KIRREL3: variants seen among roughly 807,000 people sequenced by gnomAD.
KIRREL3 encodes the protein kirre like nephrin family adhesion molecule 3.
Under a neutral mutation model 89.7 loss-of-function variants are expected in KIRREL3, and 36 were observed. That is an observed-to-expected ratio of 0.40 (90% CI 0.31 to 0.53). KIRREL3 has a LOEUF of 0.53. KIRREL3 is among the 20% of genes least tolerant of loss of function. The pLI is 0.49. For missense variants in KIRREL3, 864 were observed against 1,056.6 expected, an observed-to-expected ratio of 0.82 and a Z score of 2.53; for synonymous variants, 445 against 441.4, an observed-to-expected ratio of 1.01 and a Z score of -0.10.
chr11:126,621,448 T>A (rs1310335035), intron 1 of KIRREL3, among the ~76,000 whole-genome samples: 1 of 152,184 alleles, frequency 6.6e-6, no homozygotes, highest in Admixed American at 6.5e-5. Context: ...CTCAAAGGCT[T>A]GAGAATCTGC....
rs781149192 is a variant in KIRREL3, at chr11:126,620,721, A to G, written c.56-57809T>C. ...TTGCTGCCTTCTTCAATGCTTTTAT[A>G]GGTCTCTTGATCTCTTCTTCCTGCC... On this transcript the variant is annotated intron_variant, in intron 1 of 16. Transcript: ENST00000525144. This position sits in a 1 kb window ranked among gnomAD's most constrained non-coding sequence, Gnocchi z 4.8. Among the ~76,000 whole-genome samples, 1 of 152,182 alleles carries G rather than the reference A, an allele frequency of 6.6e-6. No individual in the cohort carries two copies. The highest frequency in any genetic ancestry group is 1.5e-5 in the Non-Finnish European group (1 of 68,040).
intron 1 of KIRREL3, among the ~76,000 whole-genome samples, chr11:126,803,318 T>C (rs528545413): frequency 1.7e-3 from 262 of 152,098 alleles, no homozygotes; most frequent in Non-Finnish European, 3.1e-3. Context: ...AGGCACAGAA[T>C]TGGAGAAGTG....
At position 126,578,870 on chromosome 11, in the gene KIRREL3, T is replaced by G. The variant is rs1350364065; in HGVS notation, c.56-15958A>C. Among the ~76,000 whole-genome samples the G allele has an allele frequency of 6.6e-6, 1 of 152,156 alleles. No homozygotes were observed. Among genetic ancestry groups the G allele is most frequent in the Non-Finnish European group, 1.5e-5 (1 of 68,030 alleles). On this transcript the variant is annotated intron_variant, in intron 1 of 16. Transcript: ENST00000525144. This position sits in a 1 kb window ranked among gnomAD's most constrained non-coding sequence, Gnocchi z 4.9. ...AATAAGCCATCACGTATTGACCATC[T>G]GTCAGCAAGTATCTACCCTGCAAAA...
intron 1 of KIRREL3, among the ~76,000 whole-genome samples, chr11:126,979,878 A>T (rs2135243029): frequency 6.6e-6 from 1 of 152,316 alleles, no homozygotes; most frequent in South Asian, 2.1e-4. Flanking sequence ...TTTCCCATTC[A>T]TTCATTTGCT....
chr11:126,718,048 A>T lies in KIRREL3; in HGVS notation c.56-155136T>A, dbSNP rs555416381. 8.7e-4 allele frequency among the ~76,000 whole-genome samples: 133 copies of T among 152,310 alleles called. 3 individuals carry two copies. In the South Asian group the frequency reaches 0.025, roughly 28 times the overall value. ...TTAAAATATCCCTTGCCTCATGACAAGAGCTTTGTCTTTCTGGGTAAGAGA... is the reference window on the plus strand; with the variant it reads ...TTAAAATATCCCTTGCCTCATGACATGAGCTTTGTCTTTCTGGGTAAGAGA... On this transcript the variant is annotated intron_variant, in intron 1 of 16. Coordinates refer to ENST00000525144, the MANE Select transcript of KIRREL3 (RefSeq NM_032531.4).
chr11:126,983,787 T>G lies in KIRREL3; in HGVS notation c.55+16668A>C, dbSNP rs1048558098. On this transcript the variant is annotated intron_variant, in intron 1 of 16. Transcript: ENST00000525144. The surrounding 1 kb of genome is among the most constrained non-coding windows in gnomAD (Gnocchi z 4.9). ...GCTAAGATAGTACATTTGTGTTGTT[T>G]TAAGCCACTACGTCTGTGGTAACAT... 3.9e-5 allele frequency among the ~76,000 whole-genome samples: 6 copies of G among 152,314 alleles called. No homozygotes were observed. The highest frequency in any genetic ancestry group is 1.2e-4 in the African/African-American group (5 of 41,582).
At position 126,642,578 on chromosome 11, in the gene KIRREL3, A is replaced by G. The variant is rs1474693447; in HGVS notation, c.56-79666T>C. Among the ~76,000 whole-genome samples, 1 of 152,238 alleles carries G rather than the reference A, an allele frequency of 6.6e-6. No individual in the cohort carries two copies. The highest frequency in any genetic ancestry group is 1.5e-5 in the Non-Finnish European group (1 of 68,046). On this transcript the variant is annotated intron_variant, in intron 1 of 16. Transcript: ENST00000525144. This position sits in a 1 kb window ranked among gnomAD's most constrained non-coding sequence, Gnocchi z 4.9. ...AATACATGTTTGATTTTCTTGGGTG[A>G]CCACCATCTCCAAGAGAACCTCTTA...
chr11:126,442,224 G>T (rs1368288675), intron 10 of KIRREL3, among the ~76,000 whole-genome samples: 1 of 138,688 alleles, frequency 7.2e-6, no homozygotes, highest in East Asian at 2.1e-4. Flanking sequence ...TTGCGCCACT[G>T]CACTCCAGCC....
At position 126,526,534 on chromosome 11, in the gene KIRREL3, T is replaced by C. The variant is rs780545905; in HGVS notation, c.283+4A>G. On this transcript the variant is annotated splice_donor_region_variant and intron_variant, in intron 3 of 16. Coordinates refer to ENST00000525144, the MANE Select transcript of KIRREL3 (RefSeq NM_032531.4). The surrounding 1 kb of genome is among the most constrained non-coding windows in gnomAD (Gnocchi z 5.7). ...CCCACCCCAGGAGGTCTGGAGGTAC[T>C]CACTTGAGAGGTCCCTGCCCACACC... 2 of 1,610,760 alleles carry C rather than the reference T, an allele frequency of 1.2e-6. No individual in the cohort carries two copies. Among genetic ancestry groups the C allele is most frequent in the Admixed American group, 3.3e-5 (2 of 59,864 alleles).
At chr11:126,884,783 G>C (rs750654874) in intron 1 of KIRREL3, among the ~76,000 whole-genome samples, 2 of 152,110 alleles carry the variant, frequency 1.3e-5, no homozygotes, top group Non-Finnish European at 2.9e-5. Context: ...GTCATCTCTC[G>C]GTGGAGGCTA....
Position 126,896,437 on chromosome 11 carries a change from C to T in KIRREL3, c.55+104018G>A, listed in dbSNP as rs543120830. 6.6e-6 allele frequency among the ~76,000 whole-genome samples: 1 copy of T among 152,192 alleles called. No individual in the cohort carries two copies. Among genetic ancestry groups the T allele is most frequent in the African/African-American group, 2.4e-5 (1 of 41,438 alleles). On this transcript the variant is annotated intron_variant, in intron 1 of 16. Coordinates refer to ENST00000525144, the MANE Select transcript of KIRREL3 (RefSeq NM_032531.4). This position sits in a 1 kb window ranked among gnomAD's most constrained non-coding sequence, Gnocchi z 4.1. The stretch of plus-strand genomic sequence containing the variant: ...GCTCTCCTGTATGCCTGTTGAGATG[C>T]CCATGCCCTTTCCAGAGCTACAGAC...
Position 126,954,564 on chromosome 11 carries a change from C to T in KIRREL3, c.55+45891G>A, listed in dbSNP as rs544858131. On this transcript the variant is annotated intron_variant, in intron 1 of 16. Coordinates refer to ENST00000525144, the MANE Select transcript of KIRREL3 (RefSeq NM_032531.4). The surrounding 1 kb of genome is among the most constrained non-coding windows in gnomAD (Gnocchi z 4.1). ...ATCCAAGCTGGGTAGAACAGATGGC[C>T]CAGAAAGCGCAAACCCACCTTGTCT... is the stretch of plus-strand genomic sequence containing the variant. Among the ~76,000 whole-genome samples, 1 of 152,050 alleles carries T rather than the reference C, an allele frequency of 6.6e-6. No individual in the cohort carries two copies. The highest frequency in any genetic ancestry group is 1.5e-5 in the Non-Finnish European group (1 of 68,010).
intron 1 of KIRREL3, among the ~76,000 whole-genome samples, chr11:126,865,546 G>A (rs1944890958): frequency 6.6e-6 from 1 of 152,234 alleles, no homozygotes; most frequent in Non-Finnish European, 1.5e-5. Context: ...GGGAGCTCAG[G>A]TGGGCAAGTC....
intron 1 of KIRREL3, among the ~76,000 whole-genome samples, chr11:126,998,104 C>T (rs1785040584): frequency 6.6e-6 from 1 of 152,120 alleles, no homozygotes; most frequent in Non-Finnish European, 1.5e-5. Flanking sequence ...TGCGTTCTAT[C>T]CAATAAGTTG....
At chr11:126,959,721 C>T (rs1949027059) in intron 1 of KIRREL3, among the ~76,000 whole-genome samples, 1 of 152,118 alleles carries the variant, frequency 6.6e-6, no homozygotes, top group Non-Finnish European at 1.5e-5. Flanking sequence ...CTTTTCCTCC[C>T]CTGCTCCTGA....
intron 1 of KIRREL3, chr11:126,936,507 AAAG>A (rs538721455): frequency 1.5e-4 from 23 of 152,248 alleles, no homozygotes; most frequent in Non-Finnish European, 2.6e-4. Flanking sequence ...TCGACTGGTA[AAAG>A]AATATACAAA....
chr11:126,737,987 G>A (rs1412953230), intron 1 of KIRREL3, among the ~76,000 whole-genome samples: 2 of 152,056 alleles, frequency 1.3e-5, no homozygotes, highest in East Asian at 3.9e-4. Context: ...CTGTATTTTT[G>A]TCCTTCCTCA....
At chr11:126,425,225 C>G (rs1954895658) in intron 16 of KIRREL3, among the ~76,000 whole-genome samples, 1 of 152,026 alleles carries the variant, frequency 6.6e-6, no homozygotes, top group South Asian at 2.1e-4. Context: ...CAGGAGATGG[C>G]AGAAGGGGGA....
chr11:126,937,143 C>A (rs1468527010), intron 1 of KIRREL3: 1 of 152,178 alleles, frequency 6.6e-6, no homozygotes, highest in African/African-American at 2.4e-5. Context: ...TCAATCCAAG[C>A]ATCATCTCAC....
Sources: gnomAD v4.1 joint callset for allele counts (sites outside exome capture counted in the v4.1 genomes callset) on GRCh38, gnomAD v4.1.1 for gene constraint, Gnocchi (gnomAD v3.1) non-coding constraint, MANE v1.5 for transcripts, NCBI Gene and HGNC (gene_info 2026-07-23, HGNC 2026-07-21) for gene names.